MYO6: variants seen among roughly 807,000 people sequenced by gnomAD.
The protein encoded by MYO6 is myosin VI.
MYO6 carries 74 observed loss-of-function variants against 178.7 expected under a neutral mutation model. The ratio of observed to expected loss-of-function variants is 0.41; its 90% CI spans 0.34 to 0.50. The LOEUF (loss-of-function observed/expected upper bound fraction) is 0.50, where lower values mean the gene tolerates loss of function less well. MYO6 is among the 20% of genes least tolerant of loss of function. MYO6 has a pLI of 0.09. For missense variants in MYO6, 1,330 were observed against 1,547.4 expected (o/e 0.86, Z 2.36); for synonymous variants, 477 against 504.6 (o/e 0.95, Z 0.73).
At chr6:75,911,861 T>C (rs1249299662) in intron 33 of MYO6, among the ~76,000 whole-genome samples, 163 bp downstream of exon 33, 1 of 152,032 alleles carries the variant, frequency 6.6e-6, no homozygotes, top group Non-Finnish European at 1.5e-5. Context: ...TTTGAGATGA[T>C]GCTTTATTTG....
At chr6:75,777,185 A>T (rs1337701095) in intron 1 of MYO6, among the ~76,000 whole-genome samples, 1 of 152,142 alleles carries the variant, frequency 6.6e-6, no homozygotes, top group Non-Finnish European at 1.5e-5. Flanking sequence ...AAAGTATCTC[A>T]TTGTTAAATG....
intron 1 of MYO6, among the ~76,000 whole-genome samples, chr6:75,809,065 C>T (rs1402054478): frequency 6.6e-6 from 1 of 152,188 alleles, no homozygotes; most frequent in East Asian, 1.9e-4. Context: ...CTCACATGAG[C>T]CTCAGCGAGA....
intron 1 of MYO6, among the ~76,000 whole-genome samples, chr6:75,805,021 A>ATATATATATTTTTTT (rs1252912172): frequency 3.9e-5 from 3 of 77,312 alleles, no homozygotes; most frequent in African/African-American, 2.0e-4. Context: ...ATATATATAT[A>ATATATATATTTTTTT]TTTTTTTTTT....
chr6:75,804,329 G>A (rs972099147), intron 1 of MYO6, among the ~76,000 whole-genome samples: 28 of 152,172 alleles, frequency 1.8e-4, no homozygotes, highest in African/African-American at 6.8e-4. Context: ...ACAGTATCTG[G>A]ATACCAGGGA....
At position 75,918,186 on chromosome 6, in the gene MYO6, A is replaced by G. The variant is rs1286139530; in HGVS notation, c.*3174A>G. 2 of 152,212 alleles carry G rather than the reference A, an allele frequency of 1.3e-5. No individual in the cohort carries two copies. Among genetic ancestry groups the G allele is most frequent in the African/African-American group, 4.8e-5 (2 of 41,446 alleles). 9.4% of individuals were successfully genotyped at this position (152,212 alleles called of 1,614,324 possible). ...TCAGAAGGTGTGACAGGTTTTCCCT[A>G]TTTATCATTACCAATAATAACAAGT... On this transcript the variant is annotated 3_prime_UTR_variant, in exon 35 of 35. Coordinates refer to ENST00000369977, the MANE Select transcript of MYO6 (RefSeq NM_004999.4).
intron 30 of MYO6, among the ~76,000 whole-genome samples, chr6:75,900,751 G>T (rs1779700473): frequency 1.3e-5 from 2 of 151,828 alleles, no homozygotes; most frequent in Admixed American, 1.3e-4. Context: ...GATCCCATTT[G>T]TCAATTTTGG....
At chr6:75,773,938 A>C (rs553745818) in intron 1 of MYO6, among the ~76,000 whole-genome samples, 1 of 152,324 alleles carries the variant, frequency 6.6e-6, no homozygotes, top group Middle Eastern at 3.4e-3. Context: ...GATAATCACT[A>C]GTTTTTTAGA....
chr6:75,762,697 C>T (rs575887688), intron 1 of MYO6, among the ~76,000 whole-genome samples: 45 of 152,336 alleles, frequency 3.0e-4, no homozygotes, highest in South Asian at 2.5e-3. Context: ...CCAGCCTCCG[C>T]TGCCAGTGGA....
chr6:75,750,926 A>G (rs868502999), intron 1 of MYO6, among the ~76,000 whole-genome samples: 1 of 152,140 alleles, frequency 6.6e-6, no homozygotes, highest in South Asian at 2.1e-4. Context: ...TCTTCACACC[A>G]TAAAACGTGA....
At chr6:75,809,000 C>T (rs1770398911) in intron 1 of MYO6, among the ~76,000 whole-genome samples, 1 of 152,116 alleles carries the variant, frequency 6.6e-6, no homozygotes, top group Non-Finnish European at 1.5e-5. Context: ...ATCTTATGCC[C>T]TAGTCTGGCT....
rs139153813 is a variant in MYO6, at chr6:75,757,314, A to G, written c.-48+7891A>G. 1.2e-3 allele frequency among the ~76,000 whole-genome samples: 182 copies of G among 149,338 alleles called. 1 individual carries two copies. The highest frequency in any genetic ancestry group is 4.2e-3 in the African/African-American group (172 of 40,926). ...TGTGTGTGTATGTATACACACACAT[A>G]TACATATAGAACATATATACATATA... is the stretch of plus-strand genomic sequence containing the variant. On this transcript the variant is annotated intron_variant, in intron 1 of 34. Transcript: ENST00000369977.
At chr6:75,881,967 TC>T (rs1341229234) in intron 23 of MYO6, 149 bp downstream of exon 23, 1 of 880,810 alleles carries the variant, frequency 1.1e-6, no homozygotes, top group Non-Finnish European at 1.8e-6. Context: ...AGATGTTCTT[TC>T]TTTTTTTATT....
intron 1 of MYO6, among the ~76,000 whole-genome samples, chr6:75,752,599 C>G (rs1034367537): frequency 6.6e-6 from 1 of 152,138 alleles, no homozygotes; most frequent in South Asian, 2.1e-4. Context: ...ACTGTTTAAA[C>G]CGGCAAAACT....
chr6:75,912,867 C>T (rs570486332), intron 33 of MYO6, among the ~76,000 whole-genome samples: 6 of 152,194 alleles, frequency 3.9e-5, no homozygotes, highest in South Asian at 2.1e-4. Context: ...CCGGGCCTCT[C>T]GTTCCTTCAT....
rs373616862 is a variant in MYO6 at position 75,813,484 on chromosome 6, G to A, written c.-47-4017G>A. ...GAAATGCCATCCAAGAGTCAAGGCC[G>A]GGGATCAGGGACCCCAGGAGCCCGC... On this transcript the variant is annotated intron_variant, in intron 1 of 34. Transcript: ENST00000369977. Among the ~76,000 whole-genome samples the A allele has an allele frequency of 3.8e-4, 58 of 152,290 alleles. 1 individual carries two copies. Among genetic ancestry groups the A allele is most frequent in the South Asian group, 3.3e-3 (16 of 4,830 alleles).
chr6:75,828,300 T>A (rs963740547), intron 3 of MYO6, among the ~76,000 whole-genome samples: 1 of 152,168 alleles, frequency 6.6e-6, no homozygotes, highest in African/African-American at 2.4e-5. Context: ...ACTCACTAGG[T>A]TTACTCTTTT....
intron 25 of MYO6, among the ~76,000 whole-genome samples, 191 bp from the exon 26 acceptor site, chr6:75,889,866 C>T (rs904285130): frequency 6.6e-6 from 1 of 152,098 alleles, no homozygotes; most frequent in Non-Finnish European, 1.5e-5. Context: ...TATTGCTTAC[C>T]ATCTTACCTA....
intron 1 of MYO6, among the ~76,000 whole-genome samples, chr6:75,804,181 C>A (rs1194895713): frequency 2.6e-5 from 4 of 152,198 alleles, no homozygotes; most frequent in Non-Finnish European, 5.9e-5. Flanking sequence ...CTAAAGGGAA[C>A]CCTGCTGAAA....
intron 16 of MYO6, among the ~76,000 whole-genome samples, chr6:75,863,780 G>A (rs933361753): frequency 3.3e-5 from 5 of 151,500 alleles, no homozygotes; most frequent in African/African-American, 7.3e-5. Context: ...CACCGTGCCC[G>A]GCTCAGAAGA....
Sources: allele counts gnomAD v4.1 joint callset (sites outside exome capture counted in the v4.1 genomes callset), GRCh38; gene constraint gnomAD v4.1.1; transcripts MANE v1.5; gene names NCBI Gene and HGNC (gene_info 2026-07-23, HGNC 2026-07-21).